The following ARID4B variants were observed in gnomAD, a reference collection of about 807,000 sequenced individuals.
The protein encoded by ARID4B is AT-rich interactive domain-containing protein 4B.
In ARID4B, 26 loss-of-function variants were observed where a neutral mutation model predicts 147.5. The observed-to-expected ratio is 0.18, with a 90% CI of 0.13 to 0.24. The LOEUF (loss-of-function observed/expected upper bound fraction) is 0.24. Ranked by LOEUF, ARID4B falls within the 10% of genes least tolerant of loss-of-function variation. ARID4B has a pLI of 1.00. For synonymous variants in ARID4B, 512 were observed against 507.9 expected, an observed-to-expected ratio of 1.01 and a Z score of -0.11; for missense variants, 1,179 against 1,511.5, an observed-to-expected ratio of 0.78 and a Z score of 3.65.
chr1:235,282,392 C>A (rs1558275584), intron 2 of ARID4B, among the ~76,000 whole-genome samples: 1 of 152,150 alleles, frequency 6.6e-6, no homozygotes, highest in South Asian at 2.1e-4. Flanking sequence ...CGCAAAGCAA[C>A]CTTCTTTTTG....
chr1:235,324,446 A>C (rs759589478), intron 2 of ARID4B, among the ~76,000 whole-genome samples: 2 of 152,238 alleles, frequency 1.3e-5, no homozygotes, highest in Non-Finnish European at 2.9e-5. Context: ...CTTCAACTTT[A>C]AAACAACACC....
At chr1:235,220,262 A>ACCATTTT (rs764593088) in intron 15 of ARID4B, 40 bp downstream of exon 15, 1 of 1,541,998 alleles carries the variant, frequency 6.5e-7, no homozygotes, top group Non-Finnish European at 8.7e-7. Flanking sequence ...TGGAAAATAT[A>ACCATTTT]CCAAAGAAAG....
At chr1:235,172,522 G>T (rs773208356) in intron 23 of ARID4B, 96 bp downstream of exon 23, 61 of 813,004 alleles carry the variant, frequency 7.5e-5, no homozygotes, top group Non-Finnish European at 1.0e-4. Flanking sequence ...AGGTTGCAGT[G>T]AGCCGAGATT....
intron 2 of ARID4B, among the ~76,000 whole-genome samples, chr1:235,324,971 G>T (rs1675117049): frequency 6.6e-6 from 1 of 152,082 alleles, no homozygotes; most frequent in South Asian, 2.1e-4. Context: ...CAAAATTTAG[G>T]CCTAATACAC....
At position 235,167,826 on chromosome 1, in the gene ARID4B, TAA is replaced by T; in HGVS notation, c.*697_*698del. ...TTTTTCACACAATGTATATCAAAAT[TAA>T]AAAAAAATACTGATTTATAGAAAAA... On this transcript the variant is annotated 3_prime_UTR_variant, in exon 24 of 24. Transcript: ENST00000264183. 1 of 192,996 alleles carries T rather than the reference TAA, an allele frequency of 5.2e-6. No individual in the cohort carries two copies. The highest frequency in any genetic ancestry group is 1.1e-5 in the Non-Finnish European group (1 of 92,496). The allele number at this position is 192,996 out of a possible 1,614,324, so 12.0% of individuals were successfully genotyped here.
At chr1:235,173,762 AAAAAAAAAAATATATAT>A (rs1187128701) in intron 22 of ARID4B, among the ~76,000 whole-genome samples, 4 of 53,322 alleles carry the variant, frequency 7.5e-5, no homozygotes, top group East Asian at 4.4e-4. Flanking sequence ...AAAAAAAAAA[AAAAAAAAAAATATATAT>A]ATATATATAT....
At chr1:235,301,527 C>T (rs1395701841) in intron 2 of ARID4B, among the ~76,000 whole-genome samples, 4 of 142,762 alleles carry the variant, frequency 2.8e-5, no homozygotes, top group African/African-American at 5.2e-5. Flanking sequence ...AGAGTGAGAC[C>T]CTATTTCTTT....
At chr1:235,236,422 AAATT>A (rs1668558361) in intron 8 of ARID4B, among the ~76,000 whole-genome samples, 1 of 152,108 alleles carries the variant, frequency 6.6e-6, no homozygotes, top group Non-Finnish European at 1.5e-5. Context: ...TGAGAAGCTT[AAATT>A]AATAACTCAA....
intron 13 of ARID4B, among the ~76,000 whole-genome samples, chr1:235,222,796 C>T (rs534444777): frequency 1.9e-4 from 29 of 151,114 alleles, no homozygotes; most frequent in African/African-American, 6.8e-4. Context: ...GATTCTCGTG[C>T]CTCAGCCTGC....
chr1:235,175,091 G>A (rs1663765099), intron 22 of ARID4B, 93 bp downstream of exon 22: 1 of 1,154,142 alleles, frequency 8.7e-7, no homozygotes, highest in South Asian at 1.4e-5. Context: ...TGGTGACAGA[G>A]CGAGACTCTG....
At chr1:235,314,812 A>C (rs72758066) in intron 2 of ARID4B, among the ~76,000 whole-genome samples, 19,970 of 152,090 alleles carry the variant, frequency 0.13, 1,529 homozygotes, top group African/African-American at 0.2. Context: ...ATTTCGGTAT[A>C]TACATTATTT....
chr1:235,302,177 A>AC (rs1553315451), intron 2 of ARID4B, among the ~76,000 whole-genome samples: 5 of 120,176 alleles, frequency 4.2e-5, no homozygotes, highest in East Asian at 2.2e-4. Flanking sequence ...AAAAAAAAAA[A>AC]CAGCAAAAAA....
chr1:235,310,130 C>A (rs895745952), intron 2 of ARID4B, among the ~76,000 whole-genome samples: 3 of 151,704 alleles, frequency 2.0e-5, no homozygotes, highest in African/African-American at 7.3e-5. Flanking sequence ...TGTCCTATGA[C>A]CCTGCCAAAT....
intron 2 of ARID4B, among the ~76,000 whole-genome samples, chr1:235,278,699 C>T (rs1366445810): frequency 6.6e-6 from 1 of 152,174 alleles, no homozygotes; most frequent in African/African-American, 2.4e-5. Context: ...ACCTTGTGAA[C>T]ACACACATTC....
chr1:235,279,011 A>C (rs1285470175), intron 2 of ARID4B, among the ~76,000 whole-genome samples: 1 of 152,136 alleles, frequency 6.6e-6, no homozygotes, highest in Non-Finnish European at 1.5e-5. Flanking sequence ...TCCCAGGCTG[A>C]AGTGGTCCAC....
chr1:235,258,725 C>T (rs1558253984), intron 3 of ARID4B, among the ~76,000 whole-genome samples: 1 of 152,182 alleles, frequency 6.6e-6, no homozygotes, highest in Non-Finnish European at 1.5e-5. Flanking sequence ...ATGCCTTATA[C>T]CCACAGCATC....
At chr1:235,270,784 T>C (rs11799507) in intron 2 of ARID4B, among the ~76,000 whole-genome samples, 3 of 152,036 alleles carry the variant, frequency 2.0e-5, no homozygotes, top group African/African-American at 7.2e-5. Flanking sequence ...GTCACAATCA[T>C]ATTCAAATGC....
intron 8 of ARID4B, among the ~76,000 whole-genome samples, chr1:235,240,038 C>T (rs1668885147): frequency 6.6e-6 from 1 of 152,014 alleles, no homozygotes; most frequent in African/African-American, 2.4e-5. Context: ...GACTTAGGAG[C>T]TTTAAAAGTT....
intron 2 of ARID4B, among the ~76,000 whole-genome samples, chr1:235,284,159 G>A (rs923453591): frequency 6.6e-6 from 1 of 152,010 alleles, no homozygotes; most frequent in Non-Finnish European, 1.5e-5. Flanking sequence ...GTCGGAGTTC[G>A]ACACCAGCCT....
Sources: gnomAD v4.1 joint callset for allele counts (sites outside exome capture counted in the v4.1 genomes callset) on GRCh38, gnomAD v4.1.1 for gene constraint, MANE v1.5 for transcripts, NCBI Gene and HGNC (gene_info 2026-07-23, HGNC 2026-07-21) for gene names.